Variants in LINGO2 observed in about 807,000 individuals in gnomAD.
LINGO2 encodes the protein leucine-rich repeat and immunoglobulin-like domain-containing nogo receptor-interacting protein 2.
A neutral mutation model predicts 30.6 loss-of-function variants in LINGO2; 14 were observed. The observed-to-expected ratio is 0.46, with a 90% CI of 0.30 to 0.72. The LOEUF (loss-of-function observed/expected upper bound fraction) is 0.72. Among genes scored for constraint, LINGO2 ranks in the 30% least tolerant of loss-of-function variants. The pLI is 0.07. For synonymous variants in LINGO2, 317 were observed against 288.5 expected, an observed-to-expected ratio of 1.10 and a Z score of -1.00; for missense variants, 729 against 751.7, an observed-to-expected ratio of 0.97 and a Z score of 0.35.
chr9:29,210,409 A>G, the LINGO2 span, among the ~76,000 whole-genome samples: 1 of 152,160 alleles, frequency 6.6e-6, no homozygotes, highest in African/African-American at 2.4e-5. Flanking sequence ...GTCTTTGTTA[A>G]TTTAATTCAA....
At chr9:28,035,077 A>G (rs1425354581) in intron 4 of LINGO2, among the ~76,000 whole-genome samples, 1 of 152,188 alleles carries the variant, frequency 6.6e-6, no homozygotes, top group Non-Finnish European at 1.5e-5. Context: ...ATATTCAAAT[A>G]CTTTCTAAAA....
intron 4 of LINGO2, among the ~76,000 whole-genome samples, chr9:28,127,304 C>G (rs1827263794): frequency 6.6e-6 from 1 of 152,136 alleles, no homozygotes; most frequent in East Asian, 1.9e-4. Flanking sequence ...TGCTTTCACT[C>G]TTGGAAGACA....
At chr9:28,459,100 T>C (rs1294441035) in intron 2 of LINGO2, among the ~76,000 whole-genome samples, 1 of 152,152 alleles carries the variant, frequency 6.6e-6, no homozygotes, top group African/African-American at 2.4e-5. Context: ...AATAGTACTC[T>C]ACAAAATTAT....
chr9:28,566,368 T>C (rs1244676123), intron 1 of LINGO2, among the ~76,000 whole-genome samples: 2 of 152,290 alleles, frequency 1.3e-5, no homozygotes, highest in African/African-American at 4.8e-5. Context: ...ATACAGTCAG[T>C]AGAATTTGCC....
chr9:28,540,864 A>G (rs188071329), intron 1 of LINGO2, among the ~76,000 whole-genome samples: 2 of 152,302 alleles, frequency 1.3e-5, no homozygotes, highest in Non-Finnish European at 2.9e-5. Context: ...GCCCAGGTGT[A>G]CACCAACTTA....
intron 1 of LINGO2, among the ~76,000 whole-genome samples, chr9:28,635,814 T>C (rs896951238): frequency 3.9e-5 from 6 of 152,090 alleles, no homozygotes; most frequent in Admixed American, 3.3e-4. Flanking sequence ...CAGAGGTTTT[T>C]TGTTTGTCTG....
chr9:28,741,197 T>C, the LINGO2 span, among the ~76,000 whole-genome samples: 1 of 151,922 alleles, frequency 6.6e-6, no homozygotes, highest in East Asian at 1.9e-4. Context: ...TGCTGGAACA[T>C]GGGGCAGCCA....
the LINGO2 span, among the ~76,000 whole-genome samples, chr9:29,203,683 C>T: frequency 6.6e-6 from 1 of 152,168 alleles, no homozygotes; most frequent in Admixed American, 6.5e-5. Flanking sequence ...CTGAAAAATT[C>T]CATTGGACAT....
chr9:28,243,595 T>A (rs1821885963), intron 4 of LINGO2, among the ~76,000 whole-genome samples: 1 of 151,466 alleles, frequency 6.6e-6, no homozygotes, highest in African/African-American at 2.4e-5. Flanking sequence ...GATGGAAGAA[T>A]ATTTACCAAG....
intron 2 of LINGO2, among the ~76,000 whole-genome samples, chr9:28,463,204 T>C (rs574397023): frequency 1.2e-4 from 19 of 152,118 alleles, no homozygotes; most frequent in African/African-American, 4.1e-4. Flanking sequence ...TACCTAGATA[T>C]GTAACATCAC....
intron 3 of LINGO2, among the ~76,000 whole-genome samples, chr9:28,358,438 T>G (rs7032657): frequency 0.51 from 78,136 of 151,890 alleles, 20,349 homozygotes; most frequent in Middle Eastern, 0.63. Flanking sequence ...CAGTCACAAA[T>G]GGAGAGAATA....
chr9:28,036,250 A>C (rs1380990603), intron 4 of LINGO2, among the ~76,000 whole-genome samples: 2 of 152,240 alleles, frequency 1.3e-5, no homozygotes, highest in Non-Finnish European at 1.5e-5. Flanking sequence ...GTAGAAATGT[A>C]GAAACATTGT....
chr9:28,593,338 A>G (rs1825013347), intron 1 of LINGO2, among the ~76,000 whole-genome samples: 2 of 152,118 alleles, frequency 1.3e-5, no homozygotes, highest in Admixed American at 1.3e-4. Flanking sequence ...AAGGGAGGAT[A>G]CTATTATCCC....
intron 1 of LINGO2, among the ~76,000 whole-genome samples, chr9:28,507,826 C>T (rs1037032592): frequency 6.6e-6 from 1 of 151,976 alleles, no homozygotes; most frequent in Non-Finnish European, 1.5e-5. Flanking sequence ...ATGTTATAAT[C>T]AGGGCAAATT....
intron 1 of LINGO2, among the ~76,000 whole-genome samples, chr9:28,482,802 C>G (rs1008940627): frequency 6.6e-6 from 1 of 152,036 alleles, no homozygotes; most frequent in African/African-American, 2.4e-5. Flanking sequence ...ATGTAGAAAG[C>G]TGAAACTGGA....
the LINGO2 span, among the ~76,000 whole-genome samples, chr9:28,770,403 G>A: frequency 3.4e-3 from 525 of 152,238 alleles, 6 homozygotes; most frequent in African/African-American, 0.012. Flanking sequence ...TGCTGAAACC[G>A]CATAGGTCTT....
chr9:28,565,444 C>T (rs930505953), intron 1 of LINGO2, among the ~76,000 whole-genome samples: 15 of 151,476 alleles, frequency 9.9e-5, no homozygotes, highest in South Asian at 2.1e-4. Flanking sequence ...CTCAGCCTCC[C>T]AAAGTGCTGG....
intron 3 of LINGO2, among the ~76,000 whole-genome samples, chr9:28,346,228 C>G (rs139044729): frequency 1.7e-3 from 259 of 152,244 alleles, no homozygotes; most frequent in Middle Eastern, 3.4e-3. Context: ...GTAGGCCCCA[C>G]TGTCTGTTGT....
At chr9:29,044,457 TG>T in the LINGO2 span, among the ~76,000 whole-genome samples, 1 of 152,034 alleles carries the variant, frequency 6.6e-6, no homozygotes, top group South Asian at 2.1e-4. Context: ...TCAAGATTTC[TG>T]GTTAAAATAA....
Sources: allele counts gnomAD v4.1 joint callset (sites outside exome capture counted in the v4.1 genomes callset), GRCh38; gene constraint gnomAD v4.1.1; transcripts MANE v1.5; gene names NCBI Gene and HGNC (gene_info 2026-07-23, HGNC 2026-07-21).